ZC3H12B: variants seen among roughly 807,000 people sequenced by gnomAD.
ZC3H12B encodes the protein zinc finger CCCH-type containing 12B, also known as probable ribonuclease ZC3H12B.
ZC3H12B carries 7 observed loss-of-function variants against 43.9 expected under a neutral mutation model. The observed-to-expected ratio is 0.16, with a 90% CI of 0.09 to 0.30. The LOEUF (loss-of-function observed/expected upper bound fraction) is 0.30. Among genes scored for constraint, ZC3H12B ranks in the 10% least tolerant of loss-of-function variants. ZC3H12B has a pLI of 1.00. For missense variants in ZC3H12B, 475 were observed against 670.2 expected, an observed-to-expected ratio of 0.71 and a Z score of 3.22; for synonymous variants, 222 against 241.7, an observed-to-expected ratio of 0.92 and a Z score of 0.76.
At chrX:65,410,205 C>G (rs981667302) in intron 3 of ZC3H12B, among the ~76,000 whole-genome samples, 2 of 109,541 alleles carry the variant, frequency 1.8e-5, no homozygotes, top group African/African-American at 6.6e-5. Context: ...TGCCAACATA[C>G]TTTGGGGAAA....
In ZC3H12B at chrX:65,457,892, C is replaced by A. The variant is rs201600028; in HGVS notation, n.408-30754C>A. On this transcript the variant is annotated intron_variant and non_coding_transcript_variant, in intron 3 of 5. Transcript: ENST00000617377. ...GCATGCTCGTTAAGAGTCATCACCA[C>A]TCCCTAATCTTAAGTACCCAGGGAC... Among the ~76,000 whole-genome samples the A allele has an allele frequency of 9.5e-5, 6 of 63,370 alleles. No individual in the cohort carries two copies. In the East Asian group the frequency reaches 2.5e-3, roughly 27 times the overall value. The allele number at this position is 63,370 out of a possible 115,157, so 55.0% of individuals were successfully genotyped here. A position where few individuals can be genotyped will look rare whatever the true frequency, so the allele number is the denominator to read the frequency against.
chrX:65,416,660 G>A (rs756094632), intron 3 of ZC3H12B, among the ~76,000 whole-genome samples: 4 of 109,061 alleles, frequency 3.7e-5, no homozygotes, highest in African/African-American at 1.3e-4. Flanking sequence ...TGTGGTGGTG[G>A]GCGCCTGTAG....
the ZC3H12B span, among the ~76,000 whole-genome samples, chrX:65,171,128 A>C: frequency 4.5e-5 from 5 of 111,337 alleles, no homozygotes; most frequent in Admixed American, 9.6e-5. Context: ...TCTGATTTTT[A>C]GAATTTTCAG....
the ZC3H12B span, among the ~76,000 whole-genome samples, chrX:65,287,899 C>T: frequency 9.3e-6 from 1 of 107,842 alleles, no homozygotes; most frequent in Admixed American, 1.0e-4. Flanking sequence ...AATCCACTAG[C>T]TAGACTAACC....
chrX:65,448,092 G>A (rs556675284), intron 3 of ZC3H12B, among the ~76,000 whole-genome samples: 7 of 110,701 alleles, frequency 6.3e-5, no homozygotes, highest in Admixed American at 1.9e-4. Context: ...AAAATTAGCC[G>A]GGTGTGGTGG....
chrX:65,308,636 A>G, the ZC3H12B span, among the ~76,000 whole-genome samples: 1 of 111,732 alleles, frequency 8.9e-6, no homozygotes, highest in Non-Finnish European at 1.9e-5. Flanking sequence ...CACCAAGTGG[A>G]CCTCATAGAC....
chrX:65,373,971 G>GTATTATATATAGTTA (rs2066296327), intron 2 of ZC3H12B, among the ~76,000 whole-genome samples: 2 of 41,342 alleles, frequency 4.8e-5, no homozygotes, highest in Admixed American at 4.7e-4. Flanking sequence ...TGTATATATA[G>GTATTATATATAGTTA]TATATATATA....
At chrX:65,076,737 A>G in the ZC3H12B span, among the ~76,000 whole-genome samples, 2 of 105,800 alleles carry the variant, frequency 1.9e-5, no homozygotes, top group African/African-American at 6.9e-5. Flanking sequence ...TAATTTTATA[A>G]TTTACATTTG....
the ZC3H12B span, among the ~76,000 whole-genome samples, chrX:65,129,519 G>A: frequency 0.082 from 8,910 of 109,172 alleles, 1,006 homozygotes; most frequent in African/African-American, 0.29. Context: ...GTGCTCAGTG[G>A]GGGAGCTTCT....
upstream of ZC3H12B, among the ~76,000 whole-genome samples, chrX:65,362,465 C>G (rs960734073): frequency 9.0e-6 from 1 of 110,683 alleles, no homozygotes; most frequent in Admixed American, 9.6e-5. Context: ...CTTATTAGGT[C>G]GAGACATTTT....
At chrX:65,191,792 C>G in the ZC3H12B span, among the ~76,000 whole-genome samples, 1 of 108,875 alleles carries the variant, frequency 9.2e-6, no homozygotes, top group Non-Finnish European at 1.9e-5. Context: ...TTTTATGTCT[C>G]TATTTCCTTC....
chrX:65,247,707 C>G, the ZC3H12B span, among the ~76,000 whole-genome samples: 4 of 111,702 alleles, frequency 3.6e-5, no homozygotes, highest in African/African-American at 1.3e-4. Context: ...TGGTTGGGAA[C>G]AACACACACT....
the ZC3H12B span, among the ~76,000 whole-genome samples, chrX:65,341,384 G>C: frequency 2.9e-4 from 32 of 111,280 alleles, no homozygotes; most frequent in East Asian, 8.2e-3. Context: ...TTCACATGAA[G>C]ATCATCCCCA....
the ZC3H12B span, among the ~76,000 whole-genome samples, chrX:65,179,055 A>G: frequency 3.6e-5 from 4 of 112,211 alleles, no homozygotes; most frequent in Non-Finnish European, 5.6e-5. Context: ...TGGTACATAT[A>G]CACCATGGAA....
intron 3 of ZC3H12B, among the ~76,000 whole-genome samples, chrX:65,435,529 C>G (rs2067209030): frequency 9.0e-6 from 1 of 111,345 alleles, no homozygotes; most frequent in Non-Finnish European, 1.9e-5. Flanking sequence ...AGAGCCAGTT[C>G]TAAAAATCTT....
chrX:65,136,347 C>T, the ZC3H12B span, among the ~76,000 whole-genome samples: 2 of 110,911 alleles, frequency 1.8e-5, no homozygotes, highest in Non-Finnish European at 3.8e-5. Context: ...CCTTTACTGA[C>T]ACTGTGTGTG....
the ZC3H12B span, among the ~76,000 whole-genome samples, chrX:65,248,038 G>A: frequency 1.3e-4 from 12 of 92,590 alleles, no homozygotes; most frequent in East Asian, 3.4e-3. Flanking sequence ...GGCAAGATTA[G>A]CCACGAAAAA....
Position 65,447,838 on chromosome X carries a change from G to T in ZC3H12B, n.408-40808G>T, listed in dbSNP as rs548445355. 2.5e-3 allele frequency among the ~76,000 whole-genome samples: 282 copies of T among 111,689 alleles called. 1 individual carries two copies. Among genetic ancestry groups the T allele is most frequent in the South Asian group, 0.014 (38 of 2,694 alleles). ...CAAATGGCCAAAAAACATATGAAAA[G>T]TGCTCAACATCACTAATCATGAGGG... On this transcript the variant is annotated intron_variant and non_coding_transcript_variant, in intron 3 of 5. Transcript: ENST00000617377.
the ZC3H12B span, among the ~76,000 whole-genome samples, chrX:65,253,629 G>GC: frequency 9.6e-6 from 1 of 104,612 alleles, no homozygotes; most frequent in East Asian, 2.8e-4. Flanking sequence ...CTACCTGATA[G>GC]CCCCCCTGTC....
Sources: allele counts gnomAD v4.1 joint callset (sites outside exome capture counted in the v4.1 genomes callset), GRCh38; gene constraint gnomAD v4.1.1; transcripts MANE v1.5; gene names NCBI Gene and HGNC (gene_info 2026-07-23, HGNC 2026-07-21).